ZNF704: variants seen among roughly 807,000 people sequenced by gnomAD.
ZNF704 encodes zinc finger protein 704.
Under a neutral mutation model 44.7 loss-of-function variants are expected in ZNF704, and 10 were observed. The ratio of observed to expected loss-of-function variants is 0.22; its 90% CI spans 0.14 to 0.38. The LOEUF (loss-of-function observed/expected upper bound fraction) is 0.38. Among genes scored for constraint, ZNF704 ranks in the 10% least tolerant of loss-of-function variants. The pLI is 1.00. For synonymous variants in ZNF704, 211 were observed against 207.6 expected, an observed-to-expected ratio of 1.02 and a Z score of -0.14; for missense variants, 390 against 545.5, an observed-to-expected ratio of 0.71 and a Z score of 2.84.
At chr8:80,702,519 A>G (rs553119029) in intron 2 of ZNF704, among the ~76,000 whole-genome samples, 1 of 152,244 alleles carries the variant, frequency 6.6e-6, no homozygotes, top group Admixed American at 6.5e-5. Flanking sequence ...CAGGTTTTAC[A>G]GTGAGTAAGG....
intron 1 of ZNF704, among the ~76,000 whole-genome samples, chr8:80,867,356 A>AT (rs1809172451): frequency 6.6e-6 from 1 of 152,156 alleles, no homozygotes; most frequent in South Asian, 2.1e-4. Flanking sequence ...AAAATTGTGG[A>AT]TTTTCAACCC....
intron 7 of ZNF704, among the ~76,000 whole-genome samples, chr8:80,653,822 C>A (rs867977745): frequency 1.3e-5 from 2 of 151,956 alleles, no homozygotes; most frequent in Non-Finnish European, 2.9e-5. Flanking sequence ...ACTTTCTTCA[C>A]GAATCGGAAA....
intron 7 of ZNF704, among the ~76,000 whole-genome samples, chr8:80,658,372 T>C (rs1327181602): frequency 3.3e-5 from 5 of 149,802 alleles, no homozygotes; most frequent in Non-Finnish European, 2.9e-5. Flanking sequence ...TCTGGGTCTT[T>C]TTATGTCTAC....
chr8:80,718,854 ATCTAT>A (rs1430016463), intron 2 of ZNF704, among the ~76,000 whole-genome samples: 1 of 152,218 alleles, frequency 6.6e-6, no homozygotes, highest in Non-Finnish European at 1.5e-5. Flanking sequence ...TACAGTACAC[ATCTAT>A]TCCTCTTCCC....
intron 1 of ZNF704, among the ~76,000 whole-genome samples, chr8:80,843,829 T>C (rs1187643734): frequency 6.6e-6 from 1 of 152,090 alleles, no homozygotes; most frequent in Non-Finnish European, 1.5e-5. Context: ...GGAACAAATA[T>C]ATTTTAGTAG....
At chr8:80,752,191 A>C (rs1471657983) in intron 2 of ZNF704, among the ~76,000 whole-genome samples, 1 of 152,244 alleles carries the variant, frequency 6.6e-6, no homozygotes, top group African/African-American at 2.4e-5. Flanking sequence ...TTCATTATAT[A>C]AATGCACTCA....
Position 80,874,381 on chromosome 8 carries a change from G to A in ZNF704, c.-22+190C>T, listed in dbSNP as rs1377766515. Among the ~76,000 whole-genome samples, 1 of 146,572 alleles carries A rather than the reference G, an allele frequency of 6.8e-6. No individual in the cohort carries two copies. Among genetic ancestry groups the A allele is most frequent in the Non-Finnish European group, 1.5e-5 (1 of 66,032 alleles). ...CGCGCTGCGCTCCATGCGGCCGGCG[G>A]CCGAGCCCGCGCGCGCCTCTCCCGG... On this transcript the variant is annotated intron_variant, in intron 1 of 8. Transcript: ENST00000327835. The surrounding 1 kb of genome is among the most constrained non-coding windows in gnomAD (Gnocchi z 4.4).
chr8:80,715,553 T>A (rs982314891), intron 2 of ZNF704, among the ~76,000 whole-genome samples: 4 of 152,176 alleles, frequency 2.6e-5, no homozygotes, highest in African/African-American at 9.7e-5. Context: ...CCCAAGGAAG[T>A]GGGTGGGGCC....
intron 2 of ZNF704, among the ~76,000 whole-genome samples, chr8:80,777,924 C>T (rs1807443539): frequency 6.6e-6 from 1 of 150,972 alleles, no homozygotes; most frequent in African/African-American, 2.4e-5. Flanking sequence ...AATATCATAA[C>T]ACCTCACCCC....
chr8:80,629,318 T>C lies in ZNF704; in HGVS notation c.*12048A>G, dbSNP rs1339721437. The stretch of plus-strand genomic sequence containing the variant: ...CATCTGGATTTGGCTAAAAATCATA[T>C]AAAAAGACACAATGCCCCTTCCCCA... On this transcript the variant is annotated 3_prime_UTR_variant, in exon 9 of 9. Coordinates refer to ENST00000327835, the MANE Select transcript of ZNF704 (RefSeq NM_001033723.3). The C allele has an allele frequency of 6.6e-6, 1 of 152,186 alleles. No homozygotes were observed. Among genetic ancestry groups the C allele is most frequent in the Non-Finnish European group, 1.5e-5 (1 of 68,042 alleles). The allele number at this position is 152,186 out of a possible 1,614,324, so 9.4% of individuals were successfully genotyped here. A position where few individuals can be genotyped will look rare whatever the true frequency, so the allele number is the denominator to read the frequency against.
At chr8:80,746,354 A>G (rs1474707617) in intron 2 of ZNF704, among the ~76,000 whole-genome samples, 2 of 152,206 alleles carry the variant, frequency 1.3e-5, no homozygotes, top group Admixed American at 6.5e-5. Context: ...GGGTTTTAAT[A>G]GGGCAGACCT....
intron 2 of ZNF704, among the ~76,000 whole-genome samples, chr8:80,717,684 A>C (rs1819092808): frequency 6.6e-6 from 1 of 152,162 alleles, no homozygotes; most frequent in Admixed American, 6.6e-5. Context: ...GATTATTACC[A>C]GTTGGCTAGC....
At chr8:80,833,175 G>C (rs555490988) in intron 1 of ZNF704, among the ~76,000 whole-genome samples, 14 of 152,226 alleles carry the variant, frequency 9.2e-5, no homozygotes, top group African/African-American at 3.4e-4. Context: ...GTGAAACCCC[G>C]TCTCTACTAA....
intron 2 of ZNF704, among the ~76,000 whole-genome samples, chr8:80,809,064 G>C (rs544346642): frequency 2.6e-5 from 4 of 152,258 alleles, no homozygotes; most frequent in Admixed American, 1.3e-4. Flanking sequence ...GGCCAACGTG[G>C]GCAGATCACT....
rs1320143693 is a variant in ZNF704, at chr8:80,641,322, G to A, written c.*44C>T. 2 of 1,324,536 alleles carry A rather than the reference G, an allele frequency of 1.5e-6. No homozygotes were observed. The highest frequency in any genetic ancestry group is 2.1e-6 in the Non-Finnish European group (2 of 967,288). The allele number at this position is 1,324,536 out of a possible 1,614,324, so 82.0% of individuals were successfully genotyped here. On this transcript the variant is annotated 3_prime_UTR_variant, in exon 9 of 9. Transcript: ENST00000327835. ...CCAACACCTGCAGTGGCAGGCCAGG[G>A]CAGGAGCGGCTCAGGGCCCTGAGCC... is the stretch of plus-strand genomic sequence containing the variant.
At chr8:80,873,200 C>T (rs1714208298) in intron 1 of ZNF704, among the ~76,000 whole-genome samples, 2 of 152,186 alleles carry the variant, frequency 1.3e-5, no homozygotes, top group Admixed American at 1.3e-4. Context: ...CCGTCCCCAC[C>T]GGGCACGAAC....
chr8:80,860,084 G>C (rs1809033429), intron 1 of ZNF704, among the ~76,000 whole-genome samples: 1 of 152,120 alleles, frequency 6.6e-6, no homozygotes, highest in Admixed American at 6.5e-5. Flanking sequence ...CATGCTGCTG[G>C]GGATGTATGT....
At position 80,641,356 on chromosome 8, in the gene ZNF704, T is replaced by C; in HGVS notation, c.*10A>G. Reference sequence around the variant, plus strand: ...GCTCAGGGCCCTGAGCCCCTCTGCCTGGGGGTCTCTCAGTCGAGGAACCTC... The same window carrying C: ...GCTCAGGGCCCTGAGCCCCTCTGCCCGGGGGTCTCTCAGTCGAGGAACCTC... On this transcript the variant is annotated 3_prime_UTR_variant, in exon 9 of 9. Transcript: ENST00000327835. 6.4e-7 allele frequency: 1 copy of C among 1,570,028 alleles called. No homozygotes were observed. Among genetic ancestry groups the C allele is most frequent in the Non-Finnish European group, 8.7e-7 (1 of 1,146,768 alleles).
chr8:80,643,462 A>G (rs1371206626), intron 7 of ZNF704, among the ~76,000 whole-genome samples: 1 of 136,200 alleles, frequency 7.3e-6, no homozygotes, highest in Non-Finnish European at 1.5e-5. Flanking sequence ...GGTTGCAGTG[A>G]GCTGAGATTG....
Sources: allele counts gnomAD v4.1 joint callset (sites outside exome capture counted in the v4.1 genomes callset), GRCh38; gene constraint gnomAD v4.1.1; non-coding constraint Gnocchi (gnomAD v3.1); transcripts MANE v1.5; gene names NCBI Gene and HGNC (gene_info 2026-07-23, HGNC 2026-07-21).